CLEC16A: variants seen among roughly 807,000 people sequenced by gnomAD.
CLEC16A encodes the protein C-type lectin domain containing 16A.
In CLEC16A, 51 loss-of-function variants were observed where a neutral mutation model predicts 109.5. That is an observed-to-expected ratio of 0.47 (90% CI 0.37 to 0.59). The LOEUF (loss-of-function observed/expected upper bound fraction) is 0.59, where lower values mean the gene tolerates loss of function less well. CLEC16A is among the 20% of genes least tolerant of loss of function. CLEC16A has a pLI of 0.00. For missense variants in CLEC16A, 1,339 were observed against 1,394.0 expected, an observed-to-expected ratio of 0.96 and a Z score of 0.63; for synonymous variants, 673 against 564.2, an observed-to-expected ratio of 1.19 and a Z score of -2.73.
At chr16:10,972,183 T>G (rs1307999033) in intron 5 of CLEC16A, among the ~76,000 whole-genome samples, 1 of 152,202 alleles carries the variant, frequency 6.6e-6, no homozygotes, top group Non-Finnish European at 1.5e-5. Flanking sequence ...TAATCTGGAT[T>G]TGCACCTTGA....
rs554084583 is a variant in CLEC16A, at chr16:11,081,897, TG to T, written c.2116+20877del. 7.1e-3 allele frequency among the ~76,000 whole-genome samples: 1,075 copies of T among 152,258 alleles called. 11 individuals carry two copies. The highest frequency in any genetic ancestry group is 0.012 in the Non-Finnish European group (809 of 67,988). On this transcript the variant is annotated intron_variant, in intron 19 of 23. Transcript: ENST00000409790. The stretch of plus-strand genomic sequence containing the variant: ...TGAGAACAAAAGTAGCCAGGTGTGG[TG>T]GCATGCACCTGTAGTCCCAGCTACT...
chr16:10,967,895 C>G (rs1395070464), intron 3 of CLEC16A, among the ~76,000 whole-genome samples: 1 of 152,152 alleles, frequency 6.6e-6, no homozygotes, highest in East Asian at 1.9e-4. Context: ...CTGCACACTT[C>G]TCACATGCAG....
chr16:11,177,140 G>C (rs944196698), intron 23 of CLEC16A, among the ~76,000 whole-genome samples: 4 of 152,184 alleles, frequency 2.6e-5, no homozygotes, highest in Non-Finnish European at 5.9e-5. Context: ...GTGCAAATGA[G>C]AATTTGCCTC....
At chr16:11,142,643 G>A (rs938255853) in intron 22 of CLEC16A, among the ~76,000 whole-genome samples, 3 of 152,228 alleles carry the variant, frequency 2.0e-5, no homozygotes, top group Non-Finnish European at 4.4e-5. Context: ...CTGGTCAGGA[G>A]CAAATTTAGA....
At chr16:10,991,526 G>T (rs1191835519) in intron 10 of CLEC16A, among the ~76,000 whole-genome samples, 1 of 152,152 alleles carries the variant, frequency 6.6e-6, no homozygotes, top group Non-Finnish European at 1.5e-5. Flanking sequence ...GTGGCAAGGG[G>T]ATGGGAAGTA....
intron 22 of CLEC16A, among the ~76,000 whole-genome samples, chr16:11,158,434 T>C (rs1025797061): frequency 6.6e-6 from 1 of 152,240 alleles, no homozygotes; most frequent in Non-Finnish European, 1.5e-5. Context: ...TGTAGGTTTT[T>C]CTTAGGGCAG....
chr16:11,097,882 T>C (rs1249128249), intron 19 of CLEC16A, among the ~76,000 whole-genome samples: 6 of 152,234 alleles, frequency 3.9e-5, no homozygotes, highest in African/African-American at 1.4e-4. Context: ...ACTTCAGTGT[T>C]GGCTCAGGGT....
At chr16:10,997,412 A>G (rs978926986) in intron 10 of CLEC16A, among the ~76,000 whole-genome samples, 4 of 152,252 alleles carry the variant, frequency 2.6e-5, no homozygotes, top group African/African-American at 7.2e-5. Context: ...GTATTCCCAT[A>G]AAGCCCCTCC....
At chr16:11,152,025 A>G (rs1446309475) in intron 22 of CLEC16A, among the ~76,000 whole-genome samples, 1 of 152,194 alleles carries the variant, frequency 6.6e-6, no homozygotes, top group Admixed American at 6.5e-5. Context: ...GAGCAAAAGG[A>G]TAGAACTAGG....
chr16:11,126,639 C>G (rs191936558), intron 22 of CLEC16A: 53 of 246,048 alleles, frequency 2.2e-4, no homozygotes, highest in Non-Finnish European at 3.7e-4. Context: ...CATCTCTAAC[C>G]CTGCTCCTCC....
At chr16:11,118,603 T>C (rs568160646) in intron 19 of CLEC16A, among the ~76,000 whole-genome samples, 15 of 152,352 alleles carry the variant, frequency 9.8e-5, no homozygotes, top group African/African-American at 3.1e-4. Flanking sequence ...CATTAGTCTT[T>C]AAAGAAGCAC....
intron 18 of CLEC16A, among the ~76,000 whole-genome samples, chr16:11,057,549 A>C (rs941588024): frequency 6.6e-6 from 1 of 152,112 alleles, no homozygotes; most frequent in East Asian, 1.9e-4. Flanking sequence ...TTGCTTCCAG[A>C]CTCATTGAAG....
intron 8 of CLEC16A, among the ~76,000 whole-genome samples, chr16:10,977,623 C>T (rs1445035271): frequency 6.6e-6 from 1 of 152,158 alleles, no homozygotes; most frequent in East Asian, 1.9e-4. Flanking sequence ...AAGTAATTCT[C>T]CTGCCTCAGC....
chr16:11,145,072 A>G (rs2053996034), intron 22 of CLEC16A, among the ~76,000 whole-genome samples: 1 of 152,108 alleles, frequency 6.6e-6, no homozygotes, highest in African/African-American at 2.4e-5. Context: ...CCATGTGCAC[A>G]TGGGTCCTGC....
At chr16:10,973,124 T>C in intron 7 of CLEC16A, 63 bp downstream of exon 7, 1 of 1,521,928 alleles carries the variant, frequency 6.6e-7, no homozygotes. Context: ...AATTCTGTTT[T>C]CATCAAGGAA....
chr16:11,160,734 G>A (rs937064146), intron 22 of CLEC16A, among the ~76,000 whole-genome samples: 27 of 152,246 alleles, frequency 1.8e-4, no homozygotes, highest in African/African-American at 5.3e-4. Flanking sequence ...TTTCCCTCTC[G>A]GGTAAAAGAA....
intron 6 of CLEC16A, 123 bp downstream of exon 6, chr16:10,972,682 C>T (rs2042851115): frequency 1.2e-5 from 11 of 924,496 alleles, no homozygotes; most frequent in Non-Finnish European, 1.7e-5. Context: ...GTAGGCTCTC[C>T]CATGCACCAT....
Position 10,954,153 on chromosome 16 carries a change from T to C in CLEC16A, c.81-3629T>C, listed in dbSNP as rs941506468. Among the ~76,000 whole-genome samples the C allele has an allele frequency of 5.9e-5, 9 of 152,120 alleles. No individual in the cohort carries two copies. The highest frequency in any genetic ancestry group is 2.2e-4 in the African/African-American group (9 of 41,414). On this transcript the variant is annotated intron_variant, in intron 1 of 23. Transcript: ENST00000409790. The surrounding 1 kb of genome is among the most constrained non-coding windows in gnomAD (Gnocchi z 4.2). ...CGACCAGGGCAAAGAACACCAAGTA[T>C]TGAGAGGCCAAGAAACAAATGGAGT... is the stretch of plus-strand genomic sequence containing the variant.
chr16:11,167,064 A>T (rs982778707), intron 23 of CLEC16A, among the ~76,000 whole-genome samples: 1 of 152,104 alleles, frequency 6.6e-6, no homozygotes, highest in Admixed American at 6.5e-5. Context: ...CCTTCAACTT[A>T]TTCCACTTCA....
Sources: allele counts gnomAD v4.1 joint callset (sites outside exome capture counted in the v4.1 genomes callset), GRCh38; gene constraint gnomAD v4.1.1; non-coding constraint Gnocchi (gnomAD v3.1); transcripts MANE v1.5; gene names NCBI Gene and HGNC (gene_info 2026-07-23, HGNC 2026-07-21).